The following RAPGEF4 variants were observed in gnomAD, a reference collection of about 807,000 sequenced individuals.
The protein encoded by RAPGEF4 is RAP guanine-nucleotide-exchange factor (GEF) 4.
Under a neutral mutation model 147.9 loss-of-function variants are expected in RAPGEF4, and 66 were observed. The observed-to-expected ratio is 0.45, with a 90% CI of 0.37 to 0.55. RAPGEF4 has a LOEUF of 0.55. RAPGEF4 is among the 20% of genes least tolerant of loss of function. The pLI, the probability that RAPGEF4 is intolerant of heterozygous loss-of-function variation, is 0.00. For synonymous variants in RAPGEF4, 419 were observed against 442.7 expected, an observed-to-expected ratio of 0.95 and a Z score of 0.67; for missense variants, 1,071 against 1,257.3, an observed-to-expected ratio of 0.85 and a Z score of 2.24.
chr2:172,802,637 A>G (rs953245784), intron 3 of RAPGEF4, among the ~76,000 whole-genome samples: 1 of 152,220 alleles, frequency 6.6e-6, no homozygotes, highest in Non-Finnish European at 1.5e-5. Flanking sequence ...ATGTCCTCAC[A>G]TTTCAAAACC....
chr2:173,007,090 T>C (rs1337899571), intron 17 of RAPGEF4, among the ~76,000 whole-genome samples: 1 of 152,230 alleles, frequency 6.6e-6, no homozygotes, highest in Non-Finnish European at 1.5e-5. Flanking sequence ...GTCTTGTTTT[T>C]CACAATAGGG....
chr2:172,932,803 A>G (rs561266147), intron 6 of RAPGEF4, among the ~76,000 whole-genome samples: 4 of 152,216 alleles, frequency 2.6e-5, no homozygotes, highest in Non-Finnish European at 5.9e-5. Flanking sequence ...CATACTGAAC[A>G]TGTATCAAAA....
intron 1 of RAPGEF4, among the ~76,000 whole-genome samples, chr2:172,778,142 A>G (rs373489980): frequency 1.1e-4 from 16 of 152,298 alleles, no homozygotes; most frequent in African/African-American, 3.4e-4. Context: ...TGCGTGGTTC[A>G]ATAACAGGTT....
In RAPGEF4 at chr2:172,988,289, C is replaced by T; in HGVS notation, c.1227+17C>T. 6.3e-7 allele frequency: 1 copy of T among 1,594,330 alleles called. No individual in the cohort carries two copies. The highest frequency in any genetic ancestry group is 8.5e-7 in the Non-Finnish European group (1 of 1,174,818). On this transcript the variant is annotated intron_variant, in intron 13 of 30. Transcript: ENST00000397081. ...TACGGCAAGGTATATATATCTTTTT[C>T]TTTTTGAAACTTTATTACGCTCCAC...
intron 1 of RAPGEF4, among the ~76,000 whole-genome samples, chr2:172,768,760 G>A (rs186778172): frequency 6.6e-6 from 1 of 152,202 alleles, no homozygotes; most frequent in Admixed American, 6.5e-5. Context: ...TGGTTTCCAT[G>A]AAAAGCTCGA....
chr2:173,016,764 G>A (rs1299107339), intron 19 of RAPGEF4, among the ~76,000 whole-genome samples: 1 of 152,238 alleles, frequency 6.6e-6, no homozygotes, highest in Non-Finnish European at 1.5e-5. Context: ...TTTAAAGAAA[G>A]TTTGAGGGCA....
intron 15 of RAPGEF4, among the ~76,000 whole-genome samples, chr2:172,994,108 A>T (rs540433007): frequency 3.9e-5 from 6 of 152,350 alleles, no homozygotes; most frequent in Non-Finnish European, 7.3e-5. Context: ...AAACTGATGT[A>T]TGAGTCACAC....
At chr2:172,889,904 G>A in intron 4 of RAPGEF4, 3 of 822,570 alleles carry the variant, frequency 3.6e-6, no homozygotes, top group East Asian at 1.2e-4. Context: ...CTCTATTCCT[G>A]GGGTTTTATC....
intron 1 of RAPGEF4, among the ~76,000 whole-genome samples, chr2:172,742,654 A>G (rs1182730976): frequency 6.6e-6 from 1 of 152,228 alleles, no homozygotes; most frequent in Non-Finnish European, 1.5e-5. Flanking sequence ...CCTCAAATAC[A>G]TGGGAGCACA....
intron 3 of RAPGEF4, among the ~76,000 whole-genome samples, chr2:172,799,176 T>G (rs1370158996): frequency 6.6e-6 from 1 of 152,244 alleles, no homozygotes; most frequent in Non-Finnish European, 1.5e-5. Context: ...GATATTTACT[T>G]GGCAGTGTTC....
intron 29 of RAPGEF4, among the ~76,000 whole-genome samples, chr2:173,037,307 A>G (rs1684160668): frequency 6.6e-6 from 1 of 152,050 alleles, no homozygotes; most frequent in African/African-American, 2.4e-5. Context: ...TATAGCCTCA[A>G]ACTCCTGGGC....
At chr2:173,040,055 G>C (rs1307870457) in intron 29 of RAPGEF4, among the ~76,000 whole-genome samples, 1 of 152,004 alleles carries the variant, frequency 6.6e-6, no homozygotes, top group Non-Finnish European at 1.5e-5. Flanking sequence ...CAGGTTGATG[G>C]CGGGCACCAG....
At chr2:173,021,345 A>T (rs1483477478) in intron 23 of RAPGEF4, among the ~76,000 whole-genome samples, 2 of 152,218 alleles carry the variant, frequency 1.3e-5, no homozygotes, top group East Asian at 3.8e-4. Flanking sequence ...AGCTAGTAAC[A>T]TATCTTAGAA....
chr2:172,854,750 A>G (rs950726229), intron 4 of RAPGEF4, among the ~76,000 whole-genome samples: 6 of 152,128 alleles, frequency 3.9e-5, no homozygotes, highest in African/African-American at 1.4e-4. Flanking sequence ...AGATTGAGTT[A>G]TAAGTACAAG....
intron 25 of RAPGEF4, among the ~76,000 whole-genome samples, chr2:173,029,632 T>A (rs570420758): frequency 6.6e-6 from 1 of 152,304 alleles, no homozygotes; most frequent in South Asian, 2.1e-4. Flanking sequence ...TAAAATTCCT[T>A]GAGATTGAGT....
intron 17 of RAPGEF4, 81 bp downstream of exon 17, chr2:173,001,425 T>G: frequency 6.4e-7 from 1 of 1,562,518 alleles, no homozygotes; most frequent in Non-Finnish European, 8.8e-7. Flanking sequence ...TCTCATCTTC[T>G]GCAGGTAAGT....
In RAPGEF4 at chr2:172,874,966, G is replaced by A. The variant is rs983469254; in HGVS notation, c.445-42836G>A. Among the ~76,000 whole-genome samples, 40 of 152,310 alleles carry A rather than the reference G, an allele frequency of 2.6e-4. 1 individual carries two copies. The Middle Eastern group carries it at 0.01, about 39-fold the overall frequency. On this transcript the variant is annotated intron_variant, in intron 4 of 30. Transcript: ENST00000397081. ...AACTGGTGTGAGATGGTATCTCATT[G>A]CAGTTTTGATTTGCATTTCTCTGAT...
intron 25 of RAPGEF4, among the ~76,000 whole-genome samples, chr2:173,028,541 C>T (rs1435940554): frequency 1.3e-5 from 2 of 152,156 alleles, no homozygotes; most frequent in South Asian, 2.1e-4. Flanking sequence ...CCTTTCAGAA[C>T]ACCCAGGACT....
intron 22 of RAPGEF4, 42 bp downstream of exon 22, chr2:173,018,844 C>A (rs1251641309): frequency 6.3e-7 from 1 of 1,594,950 alleles, no homozygotes; most frequent in Non-Finnish European, 8.6e-7. Flanking sequence ...CAAAATGGGA[C>A]ATTCCATCCA....
Sources: allele counts gnomAD v4.1 joint callset (sites outside exome capture counted in the v4.1 genomes callset), GRCh38; gene constraint gnomAD v4.1.1; transcripts MANE v1.5; gene names NCBI Gene and HGNC (gene_info 2026-07-23, HGNC 2026-07-21).